The following DCC variants were observed in gnomAD, a reference collection of about 807,000 sequenced individuals.
The protein encoded by DCC is DCC netrin 1 receptor.
In DCC, 58 loss-of-function variants were observed where a neutral mutation model predicts 172.5. The observed-to-expected ratio is 0.34, with a 90% CI of 0.27 to 0.42. The LOEUF is 0.42. Among genes scored for constraint, DCC ranks in the 10% least tolerant of loss-of-function variants. The probability of loss-of-function intolerance (pLI) is 1.00; values close to 1 mark genes in which losing one functional copy is unlikely to be tolerated. For synonymous variants in DCC, 709 were observed against 644.5 expected, an observed-to-expected ratio of 1.10 and a Z score of -1.52; for missense variants, 1,740 against 1,791.0, an observed-to-expected ratio of 0.97 and a Z score of 0.51.
intron 5 of DCC, among the ~76,000 whole-genome samples, chr18:52,969,165 T>C (rs2040982270): frequency 6.6e-6 from 1 of 152,176 alleles, no homozygotes; most frequent in South Asian, 2.1e-4. Flanking sequence ...TCTTGGTTTT[T>C]ACTGCTATTC....
chr18:52,456,308 T>C (rs977970472), intron 1 of DCC, among the ~76,000 whole-genome samples: 1 of 152,160 alleles, frequency 6.6e-6, no homozygotes, highest in African/African-American at 2.4e-5. Context: ...AAATAGACAT[T>C]ATATTGCATT....
chr18:52,938,547 C>T (rs1029723227), intron 5 of DCC, among the ~76,000 whole-genome samples: 5 of 152,010 alleles, frequency 3.3e-5, no homozygotes, highest in African/African-American at 1.2e-4. Context: ...ATTATTTATA[C>T]CTTGCCAAAT....
chr18:53,153,981 G>C (rs961685565), intron 7 of DCC, among the ~76,000 whole-genome samples: 1 of 152,212 alleles, frequency 6.6e-6, no homozygotes, highest in African/African-American at 2.4e-5. Flanking sequence ...TATTTGCTGA[G>C]TGAGCAGAGC....
chr18:53,261,832 G>T (rs1174197788), intron 12 of DCC, among the ~76,000 whole-genome samples: 1 of 152,098 alleles, frequency 6.6e-6, no homozygotes, highest in Admixed American at 6.6e-5. Flanking sequence ...CTGCCTCTGG[G>T]ATGGTATCAC....
intron 5 of DCC, among the ~76,000 whole-genome samples, chr18:53,039,076 A>G (rs2042133627): frequency 6.6e-6 from 1 of 152,004 alleles, no homozygotes; most frequent in Non-Finnish European, 1.5e-5. Context: ...TTCATCTTGC[A>G]TGCATCCCAA....
intron 1 of DCC, among the ~76,000 whole-genome samples, chr18:52,491,489 C>T (rs2030500126): frequency 6.6e-6 from 1 of 151,928 alleles, no homozygotes; most frequent in African/African-American, 2.4e-5. Flanking sequence ...TTGGCAAGGT[C>T]AGTATGTTTA....
intron 5 of DCC, among the ~76,000 whole-genome samples, chr18:52,989,053 G>T (rs959060459): frequency 6.6e-6 from 1 of 151,840 alleles, no homozygotes; most frequent in Non-Finnish European, 1.5e-5. Flanking sequence ...CTCTTTAAAT[G>T]TTGTGGTTTT....
chr18:53,424,779 T>G (rs143177540), intron 21 of DCC, among the ~76,000 whole-genome samples: 1 of 152,172 alleles, frequency 6.6e-6, no homozygotes, highest in Non-Finnish European at 1.5e-5. Context: ...CACAAACATA[T>G]CTCATGCCTA....
At chr18:52,511,280 C>A (rs1387431259) in intron 1 of DCC, among the ~76,000 whole-genome samples, 606 of 109,824 alleles carry the variant, frequency 5.5e-3, no homozygotes, top group African/African-American at 0.013. Context: ...GACTCTGTCT[C>A]AAAAAAAAAA....
rs566049352 is a variant in DCC, at chr18:52,731,983, G to T, written c.92-20071G>T. On this transcript the variant is annotated intron_variant, in intron 1 of 28. Transcript: ENST00000442544. ...TTACTAGAGCCTAAATCTTTTTACG[G>T]CTTTCTATATGCATTGCTGTTTTAG... Among the ~76,000 whole-genome samples, 17 of 152,164 alleles carry T rather than the reference G, an allele frequency of 1.1e-4. 1 individual carries two copies. In the South Asian group the frequency reaches 3.5e-3, roughly 32 times the overall value.
chr18:52,967,046 C>T (rs1054693453), intron 5 of DCC, among the ~76,000 whole-genome samples: 1 of 152,150 alleles, frequency 6.6e-6, no homozygotes, highest in African/African-American at 2.4e-5. Context: ...GGGAAAGGTG[C>T]TCAGAAGCAG....
chr18:53,404,626 G>C (rs1344571075), intron 19 of DCC, among the ~76,000 whole-genome samples: 1 of 152,024 alleles, frequency 6.6e-6, no homozygotes, highest in Non-Finnish European at 1.5e-5. Flanking sequence ...AGCTACTCTG[G>C]AGGCTGAGGC....
rs1035508232 is a variant in DCC at position 53,009,944 on chromosome 18, C to G, written c.986-53361C>G. Among the ~76,000 whole-genome samples, 6 of 151,926 alleles carry G rather than the reference C, an allele frequency of 3.9e-5. No homozygotes were observed. In the East Asian group the frequency reaches 5.8e-4, roughly 15 times the overall value. On this transcript the variant is annotated intron_variant, in intron 5 of 28. Transcript: ENST00000442544. ...CCAGAGTGATTTCTCTAGGTAGATG[C>G]GATGAAGCAGCAGGAGTAACTCTGG...
intron 2 of DCC, among the ~76,000 whole-genome samples, chr18:52,901,961 G>A (rs139126372): frequency 6.6e-6 from 1 of 152,324 alleles, no homozygotes; most frequent in African/African-American, 2.4e-5. Flanking sequence ...AAAAGGTGGA[G>A]TGATGATTTC....
At chr18:53,243,579 G>A (rs2056330812) in intron 12 of DCC, among the ~76,000 whole-genome samples, 1 of 152,100 alleles carries the variant, frequency 6.6e-6, no homozygotes, top group Non-Finnish European at 1.5e-5. Context: ...ATGTAAACTT[G>A]GCAAACTCAG....
rs1221610984 is a variant in DCC at position 53,305,713 on chromosome 18, T to G, written c.2047T>G (p.Phe683Val). ...GGAGCCAAACAACCTCTGGTACCTA[T>G]TCACAGGTCAGTGTTCACATGGTGT... is the stretch of plus-strand genomic sequence containing the variant. ...TLEPNNLWYL[F>V]TGLEKGSQYS... is the part of the protein sequence containing the mutation. Residue 683 changes from phenylalanine (F) to valine (V), a missense_variant, in exon 13 of 29, where the codon TTC becomes GTC. Physicochemically the swap from Phe to Val is conservative, Grantham distance 50 (BLOSUM62 -1). Transcript: ENST00000442544. 11 of 1,613,828 alleles carry G rather than the reference T, an allele frequency of 6.8e-6. No homozygotes were observed. In the Admixed American group the frequency reaches 1.8e-4, roughly 27 times the overall value.
At chr18:52,959,932 A>G (rs1188774813) in intron 5 of DCC, among the ~76,000 whole-genome samples, 1 of 152,064 alleles carries the variant, frequency 6.6e-6, no homozygotes, top group Non-Finnish European at 1.5e-5. Context: ...GTAGCTCTGA[A>G]CCTTCTTCGA....
At chr18:52,681,047 G>A (rs570437538) in intron 1 of DCC, among the ~76,000 whole-genome samples, 1 of 152,162 alleles carries the variant, frequency 6.6e-6, no homozygotes, top group African/African-American at 2.4e-5. Context: ...CATTTATTAA[G>A]TGCTTACTCT....
At chr18:52,434,421 A>G (rs959185682) in intron 1 of DCC, among the ~76,000 whole-genome samples, 9 of 152,336 alleles carry the variant, frequency 5.9e-5, no homozygotes, top group Admixed American at 4.6e-4. Flanking sequence ...AAAAATGTCA[A>G]TAATGCCCAC....
Sources: gnomAD v4.1 joint callset for allele counts (sites outside exome capture counted in the v4.1 genomes callset) on GRCh38, gnomAD v4.1.1 for gene constraint, MANE v1.5 for transcripts, NCBI Gene and HGNC (gene_info 2026-07-23, HGNC 2026-07-21) for gene names.